LIFR: variants seen among roughly 807,000 people sequenced by gnomAD.
LIFR encodes the protein leukemia inhibitory factor receptor.
In LIFR, 84 loss-of-function variants were observed where a neutral mutation model predicts 122.2. The observed-to-expected ratio is 0.69, with a 90% confidence interval of 0.58 to 0.82. The LOEUF is 0.82. Among genes scored for constraint, LIFR ranks in the 40% least tolerant of loss-of-function variants. LIFR has a pLI of 0.00. For synonymous variants in LIFR, 422 were observed against 434.7 expected, an observed-to-expected ratio of 0.97 and a Z score of 0.36; for missense variants, 1,294 against 1,311.6, an observed-to-expected ratio of 0.99 and a Z score of 0.21.
chr5:38,537,678 T>A (rs1016116828), intron 1 of LIFR, among the ~76,000 whole-genome samples: 7 of 140,734 alleles, frequency 5.0e-5, no homozygotes, highest in Non-Finnish European at 9.4e-5. Flanking sequence ...AAAAAAAAAA[T>A]TATTCTGTTG....
rs1745530411 is a variant in LIFR at position 38,507,164 on chromosome 5, CTCTTTT to C, written c.992-538_992-533del. Among the ~76,000 whole-genome samples, 22 of 152,190 alleles carry C rather than the reference CTCTTTT, an allele frequency of 1.4e-4. No individual in the cohort carries two copies. In the South Asian group the frequency reaches 4.4e-3, roughly 30 times the overall value. On this transcript the variant is annotated intron_variant, in intron 7 of 19. Coordinates refer to ENST00000453190, the MANE Select transcript of LIFR (RefSeq NM_001127671.2). Reference sequence around the variant, plus strand: ...CTCAGTATATACAAACTGACTGCGGCTCTTTTGTTGTTTTTCTCTTTATCAAAACTG... The same window carrying C: ...CTCAGTATATACAAACTGACTGCGGCGTTGTTTTTCTCTTTATCAAAACTG...
At chr5:38,526,023 A>C (rs1746658471) in intron 4 of LIFR, among the ~76,000 whole-genome samples, 1 of 152,206 alleles carries the variant, frequency 6.6e-6, no homozygotes, top group Admixed American at 6.5e-5. Flanking sequence ...CATAATTACA[A>C]GTACAAGGAT....
intron 1 of LIFR, among the ~76,000 whole-genome samples, chr5:38,539,583 G>A (rs960002994): frequency 9.9e-5 from 15 of 152,060 alleles, no homozygotes; most frequent in Admixed American, 6.5e-5. Flanking sequence ...AGAGTAAGCT[G>A]ACAAACTTTA....
intron 5 of LIFR, among the ~76,000 whole-genome samples, chr5:38,513,029 T>A (rs1476382292): frequency 6.6e-6 from 1 of 152,174 alleles, no homozygotes; most frequent in Non-Finnish European, 1.5e-5. Flanking sequence ...AAGATTTCAA[T>A]AAAATATTGA....
Position 38,477,418 on chromosome 5 carries a change from TTAAAA to T in LIFR, c.*4172_*4176del, listed in dbSNP as rs1270804238. The T allele has an allele frequency of 2.4e-5, 5 of 212,314 alleles. No homozygotes were observed. Among genetic ancestry groups the T allele is most frequent in the Non-Finnish European group, 4.8e-5 (5 of 104,914 alleles). 13.2% of individuals were successfully genotyped at this position (212,314 alleles called of 1,614,324 possible). On this transcript the variant is annotated 3_prime_UTR_variant, in exon 20 of 20. Transcript: ENST00000453190. ...CTTCATTTCAGCAGGAAATAAAGACTTAAAATAAATGCTTTCAAGAAATAGTTTAT... is the reference window on the plus strand; with the variant it reads ...CTTCATTTCAGCAGGAAATAAAGACTTAAATGCTTTCAAGAAATAGTTTAT...
Position 38,481,973 on chromosome 5 carries a change from A to G in LIFR, c.2916T>C (p.Val972=). The G allele has an allele frequency of 6.2e-7, 1 of 1,614,194 alleles. No homozygotes were observed. Among genetic ancestry groups the G allele is most frequent in the South Asian group, 1.1e-5 (1 of 91,080 alleles). Residue 972 remains valine, a synonymous_variant, in exon 20 of 20, where the codon GTT becomes GTC. Transcript: ENST00000453190. The part of the protein sequence containing the change: ...AADEAGGTAQ[V]IYIDVQSMYQ... ...ACATCGACTGAACATCAATGTAAAT[A>G]ACCTGTGCAGTCCCTCCAGCTTCAT...
intron 7 of LIFR, among the ~76,000 whole-genome samples, chr5:38,509,102 G>C (rs1037298994): frequency 4.6e-5 from 7 of 152,080 alleles, no homozygotes; most frequent in African/African-American, 1.7e-4. Context: ...AAATTAGCTT[G>C]TTCTATTACT....
chr5:38,501,269 A>C (rs975915402), intron 11 of LIFR, among the ~76,000 whole-genome samples: 17 of 152,244 alleles, frequency 1.1e-4, no homozygotes, highest in African/African-American at 4.1e-4. Context: ...TTGATGATAC[A>C]AGTAATTCTT....
chr5:38,518,186 T>G (rs1746207478), intron 5 of LIFR, among the ~76,000 whole-genome samples: 1 of 151,870 alleles, frequency 6.6e-6, no homozygotes, highest in African/African-American at 2.4e-5. Context: ...CAGGTTCGAG[T>G]AGGATACGTG....
At chr5:38,504,415 C>CAAAAAAAAAAAAAAAAA (rs71604899) in intron 9 of LIFR, among the ~76,000 whole-genome samples, 11 of 120,368 alleles carry the variant, frequency 9.1e-5, no homozygotes, top group African/African-American at 1.6e-4. Flanking sequence ...AGGGAATGAC[C>CAAAAAAAAAAAAAAAAA]AAAAAAAAAA....
intron 3 of LIFR, among the ~76,000 whole-genome samples, chr5:38,527,897 T>C (rs1210337548): frequency 4.6e-5 from 7 of 152,226 alleles, no homozygotes; most frequent in African/African-American, 1.7e-4. Flanking sequence ...TCAAACTTCT[T>C]ATACAAATGT....
At chr5:38,588,156 A>G (rs763237696) in intron 1 of LIFR, among the ~76,000 whole-genome samples, 2 of 152,252 alleles carry the variant, frequency 1.3e-5, no homozygotes, top group Non-Finnish European at 2.9e-5. Flanking sequence ...CAACATTAAC[A>G]TGTGACATGG....
chr5:38,603,814 A>C lies in LIFR; in HGVS notation n.305+2391T>G, dbSNP rs183785731. Among the ~76,000 whole-genome samples, 727 of 152,330 alleles carry C rather than the reference A, an allele frequency of 4.8e-3. 13 individuals are homozygous for C. Among genetic ancestry groups the C allele is most frequent in the Admixed American group, 0.041 (627 of 15,294 alleles). ...TATTACCCAGGAAGGTCAAGTCTTC[A>C]GGATGTTTTCTTCTCTTATTCATTC... On this transcript the variant is annotated intron_variant and non_coding_transcript_variant, in intron 2 of 3. Coordinates refer to the LIFR transcript ENST00000507786.
In LIFR at chr5:38,508,439, T is replaced by C. The variant is rs545285799; in HGVS notation, c.992-1807A>G. 9.2e-5 allele frequency among the ~76,000 whole-genome samples: 14 copies of C among 152,322 alleles called. No homozygotes were observed. The South Asian group carries it at 1.0e-3, about 11-fold the overall frequency. ...CATAGTTTGGGAGATACAAATATTG[T>C]AAGAATGAAAATTCTCCTAAATTGA... is the stretch of plus-strand genomic sequence containing the variant. On this transcript the variant is annotated intron_variant, in intron 7 of 19. Coordinates refer to ENST00000453190, the MANE Select transcript of LIFR (RefSeq NM_001127671.2).
Position 38,490,236 on chromosome 5 carries a change from T to C in LIFR, c.2121A>G (p.Gln707=). Residue 707 remains glutamine (Q), a synonymous_variant, in exon 15 of 20, where the codon CAA becomes CAG. Coordinates refer to ENST00000453190, the MANE Select transcript of LIFR (RefSeq NM_001127671.2). The part of the protein sequence containing the change: ...YNFFLYGCRN[Q]GYQLLRSMIG... Reference sequence around the variant, plus strand: ...TCATGGAGCGTAATAATTGATATCCTTGATTTCTGCATCCATACAGGAAAA... The same window carrying C: ...TCATGGAGCGTAATAATTGATATCCCTGATTTCTGCATCCATACAGGAAAA... 6.3e-7 allele frequency: 1 copy of C among 1,587,678 alleles called. No homozygotes were observed. Among genetic ancestry groups the C allele is most frequent in the Non-Finnish European group, 8.6e-7 (1 of 1,158,260 alleles).
At chr5:38,599,438 C>A (rs967236154), upstream of LIFR, among the ~76,000 whole-genome samples, 2 of 152,076 alleles carry the variant, frequency 1.3e-5, no homozygotes, top group Non-Finnish European at 2.9e-5. Context: ...GAAGCATAGA[C>A]CTTGAGAACC....
chr5:38,584,252 A>C (rs1340378027), intron 1 of LIFR, among the ~76,000 whole-genome samples: 1 of 152,166 alleles, frequency 6.6e-6, no homozygotes, highest in Non-Finnish European at 1.5e-5. Flanking sequence ...GTTGGTGGGA[A>C]TTTAGATTGA....
chr5:38,511,472 T>C (rs1035953600), intron 6 of LIFR, among the ~76,000 whole-genome samples: 3 of 151,516 alleles, frequency 2.0e-5, no homozygotes, highest in Non-Finnish European at 4.4e-5. Context: ...GGAACTGTTT[T>C]GTTTTTTTTT....
chr5:38,562,388 T>C (rs1371382519), intron 1 of LIFR, among the ~76,000 whole-genome samples: 1 of 152,208 alleles, frequency 6.6e-6, no homozygotes, highest in Non-Finnish European at 1.5e-5. Flanking sequence ...TGTCCCCTTA[T>C]TCTTATATTC....
Sources: gnomAD v4.1 joint callset for allele counts (sites outside exome capture counted in the v4.1 genomes callset) on GRCh38, gnomAD v4.1.1 for gene constraint, MANE v1.5 for transcripts, NCBI Gene and HGNC (gene_info 2026-07-23, HGNC 2026-07-21) for gene names.